RPA3: variants seen among roughly 807,000 people sequenced by gnomAD.
The protein encoded by RPA3 is replication protein A 14 kDa subunit.
RPA3 carries 24 observed loss-of-function variants against 13.7 expected under a neutral mutation model. The observed-to-expected ratio is 1.75, with a 90% CI of 1.27 to 2.46. RPA3 has a LOEUF of 2.46. RPA3 is among the 30% of genes most tolerant of loss of function. RPA3 has a pLI of 0.00. For missense variants in RPA3, 183 were observed against 151.0 expected, an observed-to-expected ratio of 1.21 and a Z score of -1.11; for synonymous variants, 59 against 51.2, an observed-to-expected ratio of 1.15 and a Z score of -0.65.
chr7:7,648,027 A>G (rs915022348), intron 4 of RPA3, among the ~76,000 whole-genome samples: 1 of 152,196 alleles, frequency 6.6e-6, no homozygotes, highest in African/African-American at 2.4e-5. Flanking sequence ...GACAAGACCC[A>G]TGGGCTTGAA....
chr7:7,712,799 A>G (rs2115171936), intron 2 of RPA3, among the ~76,000 whole-genome samples: 1 of 152,324 alleles, frequency 6.6e-6, no homozygotes, highest in South Asian at 2.1e-4. Context: ...TACTACATAC[A>G]ATACATTTTG....
intron 2 of RPA3, among the ~76,000 whole-genome samples, chr7:7,714,853 CTTTT>C (rs1029148023): frequency 1.8e-5 from 2 of 111,176 alleles, no homozygotes; most frequent in Non-Finnish European, 3.9e-5. Context: ...AAAAATTTTT[CTTTT>C]TTTTTTTTTT....
intron 4 of RPA3, among the ~76,000 whole-genome samples, chr7:7,645,798 G>A (rs551410848): frequency 4.9e-4 from 73 of 148,256 alleles, no homozygotes; most frequent in African/African-American, 1.7e-3. Flanking sequence ...GATTTGATTT[G>A]CTGTTGTTTT....
At chr7:7,712,958 T>C (rs1780804160) in intron 2 of RPA3, among the ~76,000 whole-genome samples, 1 of 152,178 alleles carries the variant, frequency 6.6e-6, no homozygotes, top group African/African-American at 2.4e-5. Flanking sequence ...GGGTAGCTTT[T>C]ATGTACCGAA....
Position 7,706,462 on chromosome 7 carries a change from A to G in RPA3, c.-1028+8713T>C, listed in dbSNP as rs1365997112. On this transcript the variant is annotated intron_variant, in intron 2 of 7. Coordinates refer to ENST00000223129, the MANE Select transcript of RPA3 (RefSeq NM_002947.5). ...GATTCCAAAACCAAAAATGAAACCT[A>G]TATAACAATGCTAACAATATATGTA... Among the ~76,000 whole-genome samples the G allele has an allele frequency of 2.6e-5, 4 of 152,318 alleles. No homozygotes were observed. In the South Asian group the frequency reaches 6.2e-4, roughly 24 times the overall value.
chr7:7,675,301 A>T (rs1583721012), intron 4 of RPA3, among the ~76,000 whole-genome samples: 1 of 152,194 alleles, frequency 6.6e-6, no homozygotes, highest in Non-Finnish European at 1.5e-5. Flanking sequence ...TAAACTTTTT[A>T]TTCATCTACT....
chr7:7,644,305 GTGT>G (rs1416608149), intron 4 of RPA3, among the ~76,000 whole-genome samples: 1 of 148,354 alleles, frequency 6.7e-6, no homozygotes, highest in Non-Finnish European at 1.5e-5. Context: ...AATGGTACAA[GTGT>G]TGTCTGTTTT....
intron 4 of RPA3, among the ~76,000 whole-genome samples, chr7:7,682,020 T>C (rs1339070562): frequency 4.6e-5 from 7 of 152,190 alleles, no homozygotes. Flanking sequence ...GGTTCACTAA[T>C]ATTGTTGACC....
At chr7:7,658,106 C>T (rs1000242601) in intron 4 of RPA3, among the ~76,000 whole-genome samples, 1 of 152,150 alleles carries the variant, frequency 6.6e-6, no homozygotes, top group Non-Finnish European at 1.5e-5. Context: ...CTTTGGCTCT[C>T]TGTTTGTCTA....
chr7:7,670,335 A>C (rs745461629), intron 4 of RPA3, among the ~76,000 whole-genome samples: 10 of 152,208 alleles, frequency 6.6e-5, no homozygotes, highest in Admixed American at 2.6e-4. Context: ...AAGAGGAGCC[A>C]CTTCGTAAAG....
intron 2 of RPA3, among the ~76,000 whole-genome samples, chr7:7,701,551 T>TTTTCTGAACCTTCCCC (rs1465401785): frequency 6.6e-6 from 1 of 152,184 alleles, no homozygotes; most frequent in African/African-American, 2.4e-5. Context: ...GAAGTAGTAT[T>TTTTCTGAACCTTCCCC]TTTCTGAACC....
At position 7,706,742 on chromosome 7, in the gene RPA3, G is replaced by T. The variant is rs537309039; in HGVS notation, c.-1028+8433C>A. ...TGACTAACTTGCGTAAGAGTGCGTG[G>T]TTAGTAAGTGACAGCTGGGATTTTA... On this transcript the variant is annotated intron_variant, in intron 2 of 7. Coordinates refer to ENST00000223129, the MANE Select transcript of RPA3 (RefSeq NM_002947.5). Among the ~76,000 whole-genome samples the T allele has an allele frequency of 5.6e-4, 85 of 152,280 alleles. 1 individual carries two copies. In the South Asian group the frequency reaches 7.0e-3, roughly 13 times the overall value.
In RPA3 at chr7:7,714,733, G is replaced by C. The variant is rs558492917; in HGVS notation, c.-1028+442C>G. ...AAAGGCCTCAGCTGAAAACCTTCCT[G>C]GGGGAAGGTTAAAGCAAGTAACAGG... On this transcript the variant is annotated intron_variant, in intron 2 of 7. Coordinates refer to ENST00000223129, the MANE Select transcript of RPA3 (RefSeq NM_002947.5). 1.9e-3 allele frequency among the ~76,000 whole-genome samples: 290 copies of C among 152,244 alleles called. 3 individuals are homozygous for C. Among genetic ancestry groups the C allele is most frequent in the African/African-American group, 6.8e-3 (282 of 41,542 alleles).
At chr7:7,692,671 G>A (rs542914753) in intron 2 of RPA3, among the ~76,000 whole-genome samples, 2 of 152,238 alleles carry the variant, frequency 1.3e-5, no homozygotes, top group East Asian at 1.9e-4. Context: ...GTGCAGTAGC[G>A]TGATCTCAGC....
chr7:7,639,484 T>C (rs1784918486), intron 5 of RPA3, among the ~76,000 whole-genome samples: 1 of 152,100 alleles, frequency 6.6e-6, no homozygotes, highest in Non-Finnish European at 1.5e-5. Flanking sequence ...ACAGTACATA[T>C]CCCACGGAGG....
chr7:7,676,347 AC>A (rs1219896949), intron 4 of RPA3: 90 of 391,866 alleles, frequency 2.3e-4, no homozygotes, highest in African/African-American at 1.8e-3. Flanking sequence ...GTGAGGTAGT[AC>A]TATTATATCA....
intron 4 of RPA3, among the ~76,000 whole-genome samples, chr7:7,675,779 G>T (rs1307954981): frequency 6.6e-6 from 1 of 152,138 alleles, no homozygotes; most frequent in Non-Finnish European, 1.5e-5. Context: ...GTAGTTCCAG[G>T]ATAGCAGTTT....
At chr7:7,664,240 A>T (rs1045214723) in intron 4 of RPA3, among the ~76,000 whole-genome samples, 1 of 152,038 alleles carries the variant, frequency 6.6e-6, no homozygotes, top group African/African-American at 2.4e-5. Context: ...CCACTTTTCC[A>T]TATCATTTCT....
intron 7 of RPA3, among the ~76,000 whole-genome samples, chr7:7,637,367 CT>C (rs1370202779): frequency 5.3e-5 from 8 of 152,186 alleles, no homozygotes; most frequent in Middle Eastern, 3.4e-3. Flanking sequence ...AACAAAAAAA[CT>C]AATACTATTT....
Sources: allele counts gnomAD v4.1 joint callset (sites outside exome capture counted in the v4.1 genomes callset), GRCh38; gene constraint gnomAD v4.1.1; transcripts MANE v1.5; gene names NCBI Gene and HGNC (gene_info 2026-07-23, HGNC 2026-07-21).